The following MACROD1 variants were observed in gnomAD, a reference collection of about 807,000 sequenced individuals.
The protein encoded by MACROD1 is ADP-ribose glycohydrolase MACROD1.
MACROD1 carries 31 observed loss-of-function variants against 41.4 expected under a neutral mutation model. The ratio of observed to expected loss-of-function variants is 0.75; its 90% CI spans 0.56 to 1.01. MACROD1 has a LOEUF of 1.01. Ranked by LOEUF, MACROD1 falls within the 50% of genes least tolerant of loss-of-function variation. The pLI is 0.00. For synonymous variants in MACROD1, 252 were observed against 203.4 expected (o/e 1.24, Z -2.03); for missense variants, 473 against 460.0 (o/e 1.03, Z -0.26).
intron 3 of MACROD1, among the ~76,000 whole-genome samples, chr11:64,077,610 G>A (rs560332586): frequency 2.0e-5 from 3 of 152,202 alleles, no homozygotes; most frequent in African/African-American, 7.2e-5. Context: ...ACAGACTGAC[G>A]GGCACACACG....
chr11:64,072,000 A>G (rs937299913), intron 3 of MACROD1, among the ~76,000 whole-genome samples: 1 of 152,242 alleles, frequency 6.6e-6, no homozygotes, highest in Non-Finnish European at 1.5e-5. Context: ...GAGCCGCTCC[A>G]GCAGGTCGAT....
At chr11:64,132,053 T>G (rs1194781899) in intron 3 of MACROD1, among the ~76,000 whole-genome samples, 1 of 152,178 alleles carries the variant, frequency 6.6e-6, no homozygotes, top group East Asian at 1.9e-4. Context: ...TCTCTGCACC[T>G]TCCCCTGCTC....
rs1463407550 is a variant in MACROD1 at position 64,090,511 on chromosome 11, C to CA, written c.517+60727_517+60728insT. ...GGAGGCCAAATAACCACATTTGCTT[C>CA]CCCGGGCCCTCCCTCGACCGGCTCT... On this transcript the variant is annotated intron_variant, in intron 3 of 10. Transcript: ENST00000255681. This position sits in a 1 kb window ranked among gnomAD's most constrained non-coding sequence, Gnocchi z 4.7. 3.9e-5 allele frequency among the ~76,000 whole-genome samples: 6 copies of CA among 152,114 alleles called. No homozygotes were observed. The highest frequency in any genetic ancestry group is 5.9e-5 in the Non-Finnish European group (4 of 68,012).
intron 3 of MACROD1, among the ~76,000 whole-genome samples, chr11:64,021,569 C>T (rs1023206722): frequency 6.6e-6 from 1 of 152,128 alleles, no homozygotes. Context: ...CCTGCATGTC[C>T]CTGGAGGCCG....
In MACROD1 at chr11:63,998,810, CCGCCGCACGGGG is replaced by C; in HGVS notation, c.*30+16_*30+27del. ...TGGGCGGGTTAGTCTAGGGCCGGGG[CCGCCGCACGGGG>C]CGAGGCCCTGCTTACCAGTCCCGGT... On this transcript the variant is annotated intron_variant, in intron 10 of 10. Transcript: ENST00000255681. 13 of 1,500,484 alleles carry C rather than the reference CCGCCGCACGGGG, an allele frequency of 8.7e-6. No individual in the cohort carries two copies. The highest frequency in any genetic ancestry group is 1.1e-5 in the Non-Finnish European group (12 of 1,130,018). The allele number at this position is 1,500,484 out of a possible 1,614,324, so 92.9% of individuals were successfully genotyped here. A position where few individuals can be genotyped will look rare whatever the true frequency, so the allele number is the denominator to read the frequency against.
At chr11:64,117,894 CAGA>C in intron 3 of MACROD1, 2 of 1,613,944 alleles carry the variant, frequency 1.2e-6, no homozygotes, top group African/African-American at 2.7e-5. Flanking sequence ...CAACCAGGAG[CAGA>C]ACGCTGGCCC....
At chr11:64,013,925 C>G (rs1398366815) in intron 4 of MACROD1, among the ~76,000 whole-genome samples, 1 of 152,106 alleles carries the variant, frequency 6.6e-6, no homozygotes, top group Non-Finnish European at 1.5e-5. Flanking sequence ...CTTCTAGAAG[C>G]CTTCCTGATG....
At chr11:64,046,456 A>G (rs1943585571) in intron 3 of MACROD1, among the ~76,000 whole-genome samples, 1 of 152,064 alleles carries the variant, frequency 6.6e-6, no homozygotes, top group South Asian at 2.1e-4. Context: ...GCTGGGTCCT[A>G]CCCTTGCCCT....
At chr11:64,074,631 A>AG (rs915178287) in intron 3 of MACROD1, among the ~76,000 whole-genome samples, 72 of 152,292 alleles carry the variant, frequency 4.7e-4, no homozygotes, top group African/African-American at 6.7e-4. Flanking sequence ...GCTTTCCCCA[A>AG]GGGGGGCTGT....
chr11:64,151,457 A>G (rs1407588613), intron 2 of MACROD1, 102 bp from the exon 3 acceptor site: 4 of 792,754 alleles, frequency 5.0e-6, no homozygotes, highest in Non-Finnish European at 8.6e-6. Context: ...ACCTCCCTCC[A>G]CCTCCAGGGG....
At chr11:64,058,759 G>A (rs1943840887) in intron 3 of MACROD1, among the ~76,000 whole-genome samples, 1 of 152,240 alleles carries the variant, frequency 6.6e-6, no homozygotes, top group Non-Finnish European at 1.5e-5. Flanking sequence ...CAGCTTCTAG[G>A]GTGGCCAGAC....
chr11:64,105,721 G>A (rs561639275), intron 3 of MACROD1, among the ~76,000 whole-genome samples: 2 of 152,318 alleles, frequency 1.3e-5, no homozygotes, highest in Admixed American at 6.5e-5. Context: ...TGCTGGAGTT[G>A]AGACACTGTT....
At chr11:64,112,378 G>C (rs993416612) in intron 3 of MACROD1, among the ~76,000 whole-genome samples, 8 of 152,084 alleles carry the variant, frequency 5.3e-5, no homozygotes, top group Non-Finnish European at 1.2e-4. Context: ...GCTGGGCATG[G>C]TGGTGCACAC....
chr11:64,022,488 G>A (rs1480405775), intron 3 of MACROD1, among the ~76,000 whole-genome samples: 3 of 152,208 alleles, frequency 2.0e-5, no homozygotes, highest in Non-Finnish European at 4.4e-5. Flanking sequence ...TAGGGGAGCG[G>A]AGTTTGTTCT....
rs1298208225 is a variant in MACROD1, at chr11:64,122,856, G to A, written c.517+28383C>T. On this transcript the variant is annotated intron_variant, in intron 3 of 10. Transcript: ENST00000255681. The surrounding 1 kb of genome is among the most constrained non-coding windows in gnomAD (Gnocchi z 4.0). ...ACAGGCTGGGACCCAAGGCTGCCTCGGAACCTGTGCCTCCCTCCTTCACCT... is the reference window on the plus strand; with the variant it reads ...ACAGGCTGGGACCCAAGGCTGCCTCAGAACCTGTGCCTCCCTCCTTCACCT... 6.6e-6 allele frequency among the ~76,000 whole-genome samples: 1 copy of A among 152,162 alleles called. No individual in the cohort carries two copies. Among genetic ancestry groups the A allele is most frequent in the Admixed American group, 6.5e-5 (1 of 15,282 alleles).
Position 64,129,784 on chromosome 11 carries a change from G to C in MACROD1, c.517+21455C>G, listed in dbSNP as rs376152120. Among the ~76,000 whole-genome samples the C allele has an allele frequency of 2.0e-5, 3 of 152,318 alleles. No individual in the cohort carries two copies. In the East Asian group the frequency reaches 5.8e-4, roughly 29 times the overall value. On this transcript the variant is annotated intron_variant, in intron 3 of 10. Coordinates refer to ENST00000255681, the MANE Select transcript of MACROD1 (RefSeq NM_014067.4). Reference sequence around the variant, plus strand: ...CCTTAGGCTTCAGGATTGGGGGTGGGTGTGGGGGACATCTCAGGTTTTAAT... The same window carrying C: ...CCTTAGGCTTCAGGATTGGGGGTGGCTGTGGGGGACATCTCAGGTTTTAAT...
At chr11:64,154,459 C>T (rs1041831320) in intron 1 of MACROD1, among the ~76,000 whole-genome samples, 1 of 152,232 alleles carries the variant, frequency 6.6e-6, no homozygotes, top group African/African-American at 2.4e-5. Flanking sequence ...CTCCCAACTC[C>T]CAGCTGATCT....
intron 3 of MACROD1, among the ~76,000 whole-genome samples, chr11:64,127,908 G>A (rs1024421686): frequency 6.6e-6 from 1 of 152,166 alleles, no homozygotes; most frequent in Non-Finnish European, 1.5e-5. Flanking sequence ...GGACAGGAAG[G>A]AACAAAATTT....
chr11:64,001,215 C>CA, intron 4 of MACROD1: 1 of 587,938 alleles, frequency 1.7e-6, no homozygotes, highest in Non-Finnish European at 3.0e-6. Flanking sequence ...GGCCTGGGTC[C>CA]AGCCCGGGCT....
Sources: allele counts gnomAD v4.1 joint callset (sites outside exome capture counted in the v4.1 genomes callset), GRCh38; gene constraint gnomAD v4.1.1; non-coding constraint Gnocchi (gnomAD v3.1); transcripts MANE v1.5; gene names NCBI Gene and HGNC (gene_info 2026-07-23, HGNC 2026-07-21).